The following WWOX variants were observed in gnomAD, a reference collection of about 807,000 sequenced individuals.
WWOX encodes WW domain-containing oxidoreductase.
A neutral mutation model predicts 46.2 loss-of-function variants in WWOX; 69 were observed. That is an observed-to-expected ratio of 1.49 (90% CI 1.23 to 1.82). The LOEUF is 1.82. WWOX is among the 40% of genes most tolerant of loss of function. The probability of loss-of-function intolerance (pLI) is 0.00; values close to 1 mark genes in which losing one functional copy is unlikely to be tolerated. For missense variants in WWOX, 919 were observed against 542.6 expected, an observed-to-expected ratio of 1.69 and a Z score of -6.89; for synonymous variants, 359 against 202.6, an observed-to-expected ratio of 1.77 and a Z score of -6.56.
intron 8 of WWOX, among the ~76,000 whole-genome samples, chr16:78,830,906 C>G (rs1213551623): frequency 1.3e-5 from 2 of 152,104 alleles, no homozygotes; most frequent in Non-Finnish European, 2.9e-5. Context: ...TCAGGTGCGT[C>G]TTCTTCATTT....
intron 8 of WWOX, among the ~76,000 whole-genome samples, chr16:78,976,412 C>T (rs2046573612): frequency 6.6e-6 from 1 of 152,314 alleles, no homozygotes; most frequent in Admixed American, 6.5e-5. Context: ...AGATTCGGAG[C>T]ATGTGATGTG....
At chr16:78,173,266 C>G (rs1349667406) in intron 5 of WWOX, among the ~76,000 whole-genome samples, 2 of 152,072 alleles carry the variant, frequency 1.3e-5, no homozygotes, top group African/African-American at 2.4e-5. Flanking sequence ...CTCGGTGTCC[C>G]TGGGCAAATC....
chr16:78,454,912 T>C (rs1227870742), intron 8 of WWOX, among the ~76,000 whole-genome samples: 1 of 152,230 alleles, frequency 6.6e-6, no homozygotes, highest in Admixed American at 6.5e-5. Flanking sequence ...GTCTGTTCTT[T>C]GGCAGTCACT....
rs2046110382 is a variant in WWOX at position 78,619,145 on chromosome 16, ATATATATATATATATATATATATAT to A, written c.1056+186394_1056+186418del. ...ACCCCATTTCTACTAAAAAAAAAATATATATATATATATATATATATATATATATATATATATATATATATATATA... is the reference window on the plus strand; with the variant it reads ...ACCCCATTTCTACTAAAAAAAAAATAATATATATATATATATATATATATA... On this transcript the variant is annotated intron_variant, in intron 8 of 8. Coordinates refer to ENST00000566780, the MANE Select transcript of WWOX (RefSeq NM_016373.4). Among the ~76,000 whole-genome samples, 9 of 3,258 alleles carry A rather than the reference ATATATATATATATATATATATATAT, an allele frequency of 2.8e-3. 3 individuals are homozygous for A. Among genetic ancestry groups the A allele is most frequent in the Middle Eastern group, 0.2 (2 of 10 alleles). 2.1% of individuals were successfully genotyped at this position (3,258 alleles called of 152,430 possible).
intron 8 of WWOX, among the ~76,000 whole-genome samples, chr16:78,664,564 G>A (rs1485273386): frequency 6.6e-6 from 1 of 152,182 alleles, no homozygotes; most frequent in East Asian, 1.9e-4. Context: ...TAAAATGTGA[G>A]CAGAGTGAAG....
chr16:78,160,665 T>C (rs1214308871), intron 4 of WWOX, among the ~76,000 whole-genome samples: 1 of 152,258 alleles, frequency 6.6e-6, no homozygotes, highest in Admixed American at 6.5e-5. Flanking sequence ...GCATACTTTC[T>C]AATTTTAATC....
intron 5 of WWOX, among the ~76,000 whole-genome samples, chr16:78,364,079 T>G (rs2081476297): frequency 6.6e-6 from 1 of 152,220 alleles, no homozygotes; most frequent in African/African-American, 2.4e-5. Context: ...GGTTGAAGGT[T>G]CCTTCAGAGC....
intron 8 of WWOX, among the ~76,000 whole-genome samples, chr16:78,663,983 T>G (rs981932328): frequency 6.6e-6 from 1 of 152,192 alleles, no homozygotes; most frequent in East Asian, 1.9e-4. Flanking sequence ...GTCTGGATTT[T>G]CCTTGACTTA....
chr16:78,265,769 C>CTG (rs2151841496), intron 5 of WWOX, among the ~76,000 whole-genome samples: 1 of 150,470 alleles, frequency 6.6e-6, no homozygotes, highest in African/African-American at 2.4e-5. Flanking sequence ...TTTTTCACAG[C>CTG]TGTGTCTTCA....
At chr16:78,293,015 G>C (rs1413180432) in intron 5 of WWOX, among the ~76,000 whole-genome samples, 1 of 152,152 alleles carries the variant, frequency 6.6e-6, no homozygotes. Flanking sequence ...TTGGTCCTTT[G>C]CTCTTGGAGC....
At chr16:78,960,442 G>C (rs1473239680) in intron 8 of WWOX, among the ~76,000 whole-genome samples, 1 of 152,140 alleles carries the variant, frequency 6.6e-6, no homozygotes, top group Admixed American at 6.5e-5. Flanking sequence ...CATATGAAAG[G>C]AGACTGTCAC....
At chr16:78,194,226 A>G (rs1452248905) in intron 5 of WWOX, among the ~76,000 whole-genome samples, 1 of 152,006 alleles carries the variant, frequency 6.6e-6, no homozygotes, top group Non-Finnish European at 1.5e-5. Flanking sequence ...TGTTACAGTG[A>G]TGTTTTGCAG....
At chr16:78,874,290 A>G (rs2044189298) in intron 8 of WWOX, among the ~76,000 whole-genome samples, 2 of 150,342 alleles carry the variant, frequency 1.3e-5, no homozygotes, top group Admixed American at 6.6e-5. Context: ...TTGAGCCGCC[A>G]GGAAAGGAGG....
intron 8 of WWOX, among the ~76,000 whole-genome samples, chr16:79,097,469 C>G (rs2049099991): frequency 1.3e-5 from 2 of 151,622 alleles, no homozygotes; most frequent in South Asian, 4.2e-4. Flanking sequence ...TCACACATTA[C>G]AAAAGCAAAA....
intron 8 of WWOX, among the ~76,000 whole-genome samples, chr16:79,088,254 G>C (rs1321069371): frequency 6.6e-6 from 1 of 152,296 alleles, no homozygotes; most frequent in Non-Finnish European, 1.5e-5. Flanking sequence ...AGCACAGCCT[G>C]TGGATGGGAC....
At chr16:78,728,312 C>A (rs28515542) in intron 8 of WWOX, among the ~76,000 whole-genome samples, 1,866 of 152,136 alleles carry the variant, frequency 0.012, 42 homozygotes, top group African/African-American at 0.041. Context: ...TCAAGCGATT[C>A]TCCCGCCTTG....
intron 8 of WWOX, among the ~76,000 whole-genome samples, chr16:78,557,970 G>A (rs2044347232): frequency 6.6e-6 from 1 of 152,066 alleles, no homozygotes; most frequent in Non-Finnish European, 1.5e-5. Context: ...GTGCAGAGCA[G>A]GAATTTCATT....
intron 8 of WWOX, among the ~76,000 whole-genome samples, chr16:78,950,241 G>T (rs188480029): frequency 6.6e-6 from 1 of 152,050 alleles, no homozygotes; most frequent in Non-Finnish European, 1.5e-5. Context: ...TTGAATTACG[G>T]TCTTTAGCTC....
At chr16:78,456,337 G>A (rs8056598) in intron 8 of WWOX, among the ~76,000 whole-genome samples, 13,677 of 152,146 alleles carry the variant, frequency 0.09, 1,578 homozygotes, top group African/African-American at 0.27. Context: ...GGCAAGAGAA[G>A]AAAATAGTCC....
Sources: allele counts gnomAD v4.1 joint callset (sites outside exome capture counted in the v4.1 genomes callset), GRCh38; gene constraint gnomAD v4.1.1; transcripts MANE v1.5; gene names NCBI Gene and HGNC (gene_info 2026-07-23, HGNC 2026-07-21).